Variants in SCAP observed in about 807,000 individuals in gnomAD.
SCAP encodes the protein SREBF chaperone.
SCAP carries 65 observed loss-of-function variants against 123.6 expected under a neutral mutation model. The observed-to-expected ratio is 0.53, with a 90% CI of 0.43 to 0.65. SCAP has a LOEUF of 0.65. SCAP is among the 30% of genes least tolerant of loss of function. The pLI is 0.00. For synonymous variants in SCAP, 740 were observed against 726.3 expected, an observed-to-expected ratio of 1.02 and a Z score of -0.30; for missense variants, 1,398 against 1,712.5, an observed-to-expected ratio of 0.82 and a Z score of 3.24.
intron 2 of SCAP, among the ~76,000 whole-genome samples, chr3:47,437,515 A>G (rs948872673): frequency 6.6e-6 from 1 of 151,616 alleles, no homozygotes. Context: ...CCAAGGCAGA[A>G]GGATTTCTTG....
chr3:47,463,125 T>C (rs1274339035), intron 1 of SCAP, among the ~76,000 whole-genome samples: 3 of 152,228 alleles, frequency 2.0e-5, no homozygotes. Flanking sequence ...GTAGCTGTTC[T>C]TTCCCAGCCA....
At chr3:47,471,083 G>A (rs1260266853) in intron 1 of SCAP, among the ~76,000 whole-genome samples, 5 of 151,992 alleles carry the variant, frequency 3.3e-5, no homozygotes, top group Non-Finnish European at 7.4e-5. Flanking sequence ...CTCTCTATTT[G>A]GATGTATATT....
At chr3:47,435,539 T>C (rs1706545920) in intron 2 of SCAP, among the ~76,000 whole-genome samples, 1 of 145,742 alleles carries the variant, frequency 6.9e-6, no homozygotes. Context: ...CGCCTGCCAC[T>C]ACATCCAGGT....
At chr3:47,454,868 T>C (rs942505846) in intron 1 of SCAP, among the ~76,000 whole-genome samples, 1 of 151,784 alleles carries the variant, frequency 6.6e-6, no homozygotes, top group Non-Finnish European at 1.5e-5. Flanking sequence ...ACTAGAAGTG[T>C]TCTCACTAAC....
intron 18 of SCAP, among the ~76,000 whole-genome samples, chr3:47,415,941 A>G (rs1705551142): frequency 2.0e-5 from 3 of 152,228 alleles, no homozygotes; most frequent in Admixed American, 2.0e-4. Flanking sequence ...AAGCTAAAAC[A>G]AGCAGCAAAG....
rs756746602 is a variant in SCAP, at chr3:47,418,795, C to T, written c.1989G>A (p.Pro663=). Residue 663 remains proline (P), a synonymous_variant, in exon 14 of 23, where the codon CCG becomes CCA. Coordinates refer to ENST00000265565, the MANE Select transcript of SCAP (RefSeq NM_012235.4). ...PVIPVTLRLN[P]REALEGRHPQ... is the part of the protein sequence containing the mutation. The stretch of plus-strand genomic sequence containing the variant: ...GGTGCCGGCCCTCCAGAGCCTCCCT[C>T]GGGTTCAGGCGGAGCGTGACTGGGA... 7.1e-6 allele frequency: 11 copies of T among 1,552,744 alleles called. No individual in the cohort carries two copies. Among genetic ancestry groups the T allele is most frequent in the Admixed American group, 4.1e-5 (2 of 48,286 alleles).
rs555145704 is a variant in SCAP at position 47,417,815 on chromosome 3, C to G, written c.2459G>C (p.Arg820Pro). 1.2e-5 allele frequency: 16 copies of G among 1,379,718 alleles called. No individual in the cohort carries two copies. Among genetic ancestry groups the G allele is most frequent in the Middle Eastern group, 2.1e-4 (1 of 4,730 alleles). The allele number at this position is 1,379,718 out of a possible 1,614,324, so 85.5% of individuals were successfully genotyped here. A position where few individuals can be genotyped will look rare whatever the true frequency, so the allele number is the denominator to read the frequency against. The change falls in exon 17 of 23, where the codon CGG becomes CCG. Residue 820 changes from arginine (R) to proline (P), a missense_variant. Physicochemically the swap from Arg to Pro is moderately radical, Grantham distance 103. Coordinates refer to ENST00000265565, the MANE Select transcript of SCAP (RefSeq NM_012235.4). ...TRIPRPGRQRRDSGVGSGLEA... is the reference protein window; with the variant it reads ...TRIPRPGRQRPDSGVGSGLEA... ...AAGCCCGCTGCCCACGCCACTGTCC[C>G]GGCGCTGCCTGCTGGGGGCCAGGAG...
intron 1 of SCAP, among the ~76,000 whole-genome samples, chr3:47,473,963 A>G (rs886396994): frequency 1.3e-5 from 2 of 152,178 alleles, no homozygotes; most frequent in African/African-American, 4.8e-5. Context: ...CGCAACAGCA[A>G]AAGAAAAGAG....
At position 47,439,443 on chromosome 3, in the gene SCAP, C is replaced by T. The variant is rs1467550064; in HGVS notation, c.122+3429G>A. ...AACAACACAATGTGATTCCAATTTC[C>T]TCTCCAAATTAAAATCCACCTCTCA... On this transcript the variant is annotated intron_variant, in intron 2 of 22. Transcript: ENST00000265565. The surrounding 1 kb of genome is among the most constrained non-coding windows in gnomAD (Gnocchi z 4.0). 6.6e-6 allele frequency among the ~76,000 whole-genome samples: 1 copy of T among 152,124 alleles called. No homozygotes were observed. The highest frequency in any genetic ancestry group is 2.4e-5 in the African/African-American group (1 of 41,426).
At chr3:47,446,922 C>A (rs1446137158) in intron 1 of SCAP, among the ~76,000 whole-genome samples, 1 of 152,106 alleles carries the variant, frequency 6.6e-6, no homozygotes, top group East Asian at 1.9e-4. Context: ...CTAGCCTGGG[C>A]AACAGAGCGA....
rs753047516 is a variant in SCAP, at chr3:47,415,101, T to G, written c.3136A>C (p.Arg1046=). The change falls in exon 19 of 23, where the codon AGA becomes CGA. Residue 1046 remains arginine (R), a synonymous_variant. Coordinates refer to ENST00000265565, the MANE Select transcript of SCAP (RefSeq NM_012235.4). Reference sequence around the variant, plus strand: ...TGCCCACCCCAGGCCCTCCGACCTCTAAACTGCAGGGGGCTGAGGGCAGTG... The same window carrying G: ...TGCCCACCCCAGGCCCTCCGACCTCGAAACTGCAGGGGGCTGAGGGCAGTG... ...THTALSPLQF[R]GTPGRGSSPA... is the part of the protein sequence containing the mutation. The G allele has an allele frequency of 1.9e-6, 3 of 1,607,306 alleles. No individual in the cohort carries two copies. Among genetic ancestry groups the G allele is most frequent in the Non-Finnish European group, 2.5e-6 (3 of 1,177,878 alleles).
At position 47,417,720 on chromosome 3, in the gene SCAP, G is replaced by C; in HGVS notation, c.2554C>G (p.Pro852Ala). The C allele has an allele frequency of 1.2e-6, 2 of 1,608,364 alleles. No individual in the cohort carries two copies. The highest frequency in any genetic ancestry group is 1.7e-5 in the Admixed American group (1 of 59,640). The change falls in exon 17 of 23, where the codon CCT becomes GCT. Residue 852 changes from proline to alanine, a missense_variant. Transcript: ENST00000265565. ...KAGPEEPGDS[P>A]PLRHRPRGPP... ...CCCCGGGGGCGGTGTCTCAGGGGAG[G>C]GCTGTCCCCAGGCTCCTCTGGACCA...
chr3:47,463,422 CG>C (rs1192106724), intron 1 of SCAP, among the ~76,000 whole-genome samples: 8 of 152,146 alleles, frequency 5.3e-5, no homozygotes, highest in Non-Finnish European at 1.0e-4. Flanking sequence ...TCCAGTGGGC[CG>C]GGGTGCGGTG....
chr3:47,441,180 G>A (rs539275305), intron 2 of SCAP, among the ~76,000 whole-genome samples: 32 of 152,202 alleles, frequency 2.1e-4, no homozygotes, highest in Admixed American at 1.6e-3. Context: ...GATTACAGCC[G>A]TGAGCCACCA....
intron 1 of SCAP, among the ~76,000 whole-genome samples, chr3:47,472,129 AAATAAT>A (rs780398634): frequency 1.3e-5 from 2 of 151,492 alleles, no homozygotes; most frequent in African/African-American, 4.9e-5. Flanking sequence ...CATCTCAAAA[AAATAAT>A]AATAATAATT....
chr3:47,436,504 T>G (rs2107876960), intron 2 of SCAP, among the ~76,000 whole-genome samples: 1 of 152,060 alleles, frequency 6.6e-6, no homozygotes, highest in Admixed American at 6.5e-5. Context: ...CATGGTGGTG[T>G]GCACCTGTGG....
At chr3:47,428,710 C>A in intron 3 of SCAP, 40 bp from the exon 4 acceptor site, 1 of 1,605,428 alleles carries the variant, frequency 6.2e-7, no homozygotes, top group Non-Finnish European at 8.5e-7. Flanking sequence ...GGCAGCTGAG[C>A]ACAGGAAGAA....
rs145443669 is a variant in SCAP at position 47,418,728 on chromosome 3, G to C, written c.2056C>G (p.Pro686Ala). 2.6e-5 allele frequency: 41 copies of C among 1,606,136 alleles called. No homozygotes were observed. The African/African-American group carries it at 5.2e-4, about 20-fold the overall frequency. The change falls in exon 14 of 23, where the codon CCT becomes GCT. Residue 686 changes from proline (P) to alanine (A), a missense_variant. By Grantham distance (27) the Pro-to-Ala change is conservative. Transcript: ENST00000265565. Reference sequence around the variant, plus strand: ...GGTCCTGCTTCCCAGTGCCCAGCAGGTATGGGCCCCGGTGGGGGCCAGGCA... The same window carrying C: ...GGTCCTGCTTCCCAGTGCCCAGCAGCTATGGGCCCCGGTGGGGGCCAGGCA... The part of the protein sequence containing the change: ...RSAWPPPGPI[P>A]AGHWEAGPKG...
At chr3:47,437,422 CAAAAAAAA>C (rs35011639) in intron 2 of SCAP, among the ~76,000 whole-genome samples, 4 of 63,196 alleles carry the variant, frequency 6.3e-5, no homozygotes, top group Non-Finnish European at 8.3e-5. Context: ...AACTCAATCT[CAAAAAAAA>C]AAAAAAAAAA....
Sources: allele counts gnomAD v4.1 joint callset (sites outside exome capture counted in the v4.1 genomes callset), GRCh38; gene constraint gnomAD v4.1.1; non-coding constraint Gnocchi (gnomAD v3.1); transcripts MANE v1.5; gene names NCBI Gene and HGNC (gene_info 2026-07-23, HGNC 2026-07-21).